Variants in MSH4 observed in about 807,000 individuals in gnomAD.
The protein encoded by MSH4 is mutS homolog 4.
MSH4 carries 106 observed loss-of-function variants against 113.7 expected under a neutral mutation model. The ratio of observed to expected loss-of-function variants is 0.93; its 90% CI spans 0.80 to 1.10. The LOEUF (loss-of-function observed/expected upper bound fraction) is 1.10, where lower values mean the gene tolerates loss of function less well. Ranked by LOEUF, MSH4 falls within the 50% of genes least tolerant of loss-of-function variation. The pLI is 0.00. For synonymous variants in MSH4, 368 were observed against 380.2 expected (o/e 0.97, Z 0.37); for missense variants, 1,061 against 1,093.7 (o/e 0.97, Z 0.42).
intron 1 of MSH4, among the ~76,000 whole-genome samples, chr1:75,800,373 G>A (rs1341690300): frequency 1.3e-5 from 2 of 152,100 alleles, no homozygotes; most frequent in Non-Finnish European, 2.9e-5. Context: ...TTACCCTATG[G>A]TGAGTATGGG....
chr1:75,807,966 A>G (rs1194636108), intron 3 of MSH4, among the ~76,000 whole-genome samples: 1 of 152,188 alleles, frequency 6.6e-6, no homozygotes, highest in African/African-American at 2.4e-5. Flanking sequence ...TGGACATCAG[A>G]AATTTGACTC....
intron 8 of MSH4, among the ~76,000 whole-genome samples, chr1:75,849,466 C>T (rs753406303): frequency 3.9e-5 from 6 of 152,076 alleles, no homozygotes; most frequent in Non-Finnish European, 7.4e-5. Context: ...AATTTGATGA[C>T]ATTTGTAAAT....
At chr1:75,906,761 C>G (rs1285514091) in intron 19 of MSH4, among the ~76,000 whole-genome samples, 1 of 148,712 alleles carries the variant, frequency 6.7e-6, no homozygotes, top group Non-Finnish European at 1.5e-5. Flanking sequence ...TTTCTTGTCT[C>G]AATTTACACC....
chr1:75,898,195 G>A (rs5745539), intron 18 of MSH4, 114 bp downstream of exon 18: 2 of 612,274 alleles, frequency 3.3e-6, no homozygotes, highest in East Asian at 5.9e-5. Context: ...TCATTCTTTT[G>A]AGTGCTTATA....
In MSH4 at chr1:75,848,280, T is replaced by C. The variant is rs1455837088; in HGVS notation, c.1230+4T>C. 6.4e-7 allele frequency: 1 copy of C among 1,572,538 alleles called. No individual in the cohort carries two copies. The highest frequency in any genetic ancestry group is 2.2e-5 in the East Asian group (1 of 44,518). ...CCAAATTCCAAAGCAAGACACGGTA[T>C]GTTTTTGTATACATTTTGTATTATA... On this transcript the variant is annotated splice_donor_region_variant and intron_variant, in intron 8 of 19. Transcript: ENST00000263187.
intron 7 of MSH4, among the ~76,000 whole-genome samples, chr1:75,838,615 A>G (rs1458184194): frequency 2.6e-5 from 4 of 152,182 alleles, no homozygotes; most frequent in African/African-American, 9.7e-5. Context: ...ACTTTTCTAT[A>G]TAGCTGTTTT....
chr1:75,828,515 A>T (rs1424714310), intron 7 of MSH4, among the ~76,000 whole-genome samples: 2 of 152,198 alleles, frequency 1.3e-5, no homozygotes, highest in Admixed American at 1.3e-4. Context: ...GGCAGCATGG[A>T]TGTAGCTGGA....
chr1:75,877,071 A>T, intron 10 of MSH4, 71 bp downstream of exon 10: 1 of 999,030 alleles, frequency 1.0e-6, no homozygotes, highest in Non-Finnish European at 1.5e-6. Context: ...GATTTTAAAG[A>T]CTCTAATTGT....
At chr1:75,818,750 C>T in intron 6 of MSH4, among the ~76,000 whole-genome samples, 1 of 53,738 alleles carries the variant, frequency 1.9e-5, no homozygotes, top group East Asian at 4.3e-4. Flanking sequence ...TCTGTATATT[C>T]CGTTTTTTTT....
intron 7 of MSH4, among the ~76,000 whole-genome samples, chr1:75,845,440 A>G (rs1290592792): frequency 6.6e-6 from 1 of 152,208 alleles, no homozygotes; most frequent in Non-Finnish European, 1.5e-5. Flanking sequence ...TCCCATTACA[A>G]AAGGGAGAAA....
chr1:75,879,688 A>C (rs893096576), intron 12 of MSH4, among the ~76,000 whole-genome samples: 1 of 152,134 alleles, frequency 6.6e-6, no homozygotes. Flanking sequence ...CAGATATAGG[A>C]CAAGGGCTGC....
intron 15 of MSH4, among the ~76,000 whole-genome samples, chr1:75,887,849 T>C (rs910341365): frequency 6.6e-6 from 1 of 152,030 alleles, no homozygotes; most frequent in Non-Finnish European, 1.5e-5. Context: ...ATTCAAATTC[T>C]GGCTCTATCA....
intron 17 of MSH4, among the ~76,000 whole-genome samples, chr1:75,895,148 C>G (rs1652343191): frequency 6.6e-6 from 1 of 151,834 alleles, no homozygotes; most frequent in African/African-American, 2.4e-5. Flanking sequence ...TGCCCAGCCA[C>G]TTTGGCTGTC....
chr1:75,839,898 G>A (rs559820255), intron 7 of MSH4, among the ~76,000 whole-genome samples: 175 of 146,322 alleles, frequency 1.2e-3, no homozygotes, highest in Admixed American at 2.8e-3. Context: ...CATTTATGCA[G>A]CCAAAAAACA....
intron 15 of MSH4, among the ~76,000 whole-genome samples, chr1:75,885,468 T>C (rs925029689): frequency 5.4e-4 from 40 of 73,534 alleles, no homozygotes; most frequent in South Asian, 7.2e-4. Flanking sequence ...TATGTATATA[T>C]ACACACACAC....
At chr1:75,905,857 A>G (rs889698852) in intron 19 of MSH4, among the ~76,000 whole-genome samples, 1 of 152,112 alleles carries the variant, frequency 6.6e-6, no homozygotes, top group African/African-American at 2.4e-5. Flanking sequence ...ATCTGATATA[A>G]ACATAGCTAC....
At chr1:75,832,902 C>G (rs1650735657) in intron 7 of MSH4, among the ~76,000 whole-genome samples, 1 of 152,184 alleles carries the variant, frequency 6.6e-6, no homozygotes, top group Non-Finnish European at 1.5e-5. Flanking sequence ...TCTCACCACT[C>G]CTATTCAACA....
intron 8 of MSH4, among the ~76,000 whole-genome samples, chr1:75,856,293 C>CT (rs1295388201): frequency 6.6e-6 from 1 of 151,574 alleles, no homozygotes; most frequent in Non-Finnish European, 1.5e-5. Context: ...TTCTTTCTTT[C>CT]TTTTTTTATG....
At chr1:75,900,082 T>C (rs1452706951) in intron 19 of MSH4, among the ~76,000 whole-genome samples, 1 of 152,086 alleles carries the variant, frequency 6.6e-6, no homozygotes, top group Non-Finnish European at 1.5e-5. Context: ...AAAGCTTTTC[T>C]ACTCATCATA....
Sources: gnomAD v4.1 joint callset for allele counts (sites outside exome capture counted in the v4.1 genomes callset) on GRCh38, gnomAD v4.1.1 for gene constraint, MANE v1.5 for transcripts, NCBI Gene and HGNC (gene_info 2026-07-23, HGNC 2026-07-21) for gene names.